Variants in CDIN1 observed in about 807,000 individuals in gnomAD.
The protein encoded by CDIN1 is CDAN1 interacting nuclease 1.
CDIN1 carries 33 observed loss-of-function variants against 45.3 expected under a neutral mutation model. The ratio of observed to expected loss-of-function variants is 0.73; its 90% confidence interval spans 0.55 to 0.97. The LOEUF (loss-of-function observed/expected upper bound fraction) is 0.97, where lower values mean the gene tolerates loss of function less well. CDIN1 is among the 50% of genes least tolerant of loss of function. The pLI, the probability that CDIN1 is intolerant of heterozygous loss-of-function variation, is 0.00. For synonymous variants in CDIN1, 118 were observed against 124.4 expected (o/e 0.95, Z 0.34); for missense variants, 303 against 339.4 (o/e 0.89, Z 0.84).
chr15:36,782,019 C>T (rs564269790), intron 10 of CDIN1, among the ~76,000 whole-genome samples: 39 of 152,152 alleles, frequency 2.6e-4, no homozygotes, highest in Non-Finnish European at 4.9e-4. Context: ...GTTTTTCCTT[C>T]AACAGGGACT....
chr15:36,612,030 G>A lies in CDIN1; in HGVS notation c.101+32069G>A, dbSNP rs550764471. ...TGGATAGAGTGCTGTTCCCATGATA[G>A]AAAATGTAGTTTTCCCCAGGTGTCT... On this transcript the variant is annotated intron_variant, in intron 1 of 10. Transcript: ENST00000566621. 2.2e-4 allele frequency among the ~76,000 whole-genome samples: 34 copies of A among 152,336 alleles called. No homozygotes were observed. In the South Asian group the frequency reaches 6.8e-3, roughly 31 times the overall value.
At chr15:36,598,710 TC>T (rs2036287419) in intron 1 of CDIN1, among the ~76,000 whole-genome samples, 1 of 152,012 alleles carries the variant, frequency 6.6e-6, no homozygotes, top group African/African-American at 2.4e-5. Flanking sequence ...CTTCTGTCCG[TC>T]CCTCCCTTTT....
chr15:36,596,066 A>C (rs2037812844), intron 1 of CDIN1, among the ~76,000 whole-genome samples: 1 of 152,210 alleles, frequency 6.6e-6, no homozygotes, highest in Non-Finnish European at 1.5e-5. Context: ...CTACACAAAA[A>C]AGAGGGAAGA....
chr15:36,724,158 G>A (rs1201361637), intron 10 of CDIN1, among the ~76,000 whole-genome samples: 1 of 152,174 alleles, frequency 6.6e-6, no homozygotes, highest in Non-Finnish European at 1.5e-5. Flanking sequence ...AGAGTGACGT[G>A]ATTAGGACCT....
chr15:36,804,674 C>CTTTTTTTTTTTTTTTTTTT, intron 10 of CDIN1: 1 of 84,890 alleles, frequency 1.2e-5, no homozygotes, highest in Non-Finnish European at 2.0e-5. Context: ...CAGAGAATCA[C>CTTTTTTTTTTTTTTTTTTT]TTTTTTTTTT....
intron 10 of CDIN1, among the ~76,000 whole-genome samples, chr15:36,728,677 A>AT (rs1013957813): frequency 2.7e-5 from 4 of 150,888 alleles, no homozygotes; most frequent in Non-Finnish European, 3.0e-5. Flanking sequence ...TGTGAAAAAA[A>AT]TTTTTTTTTC....
At chr15:36,638,287 T>C (rs2039981486) in intron 1 of CDIN1, among the ~76,000 whole-genome samples, 1 of 152,136 alleles carries the variant, frequency 6.6e-6, no homozygotes, top group Non-Finnish European at 1.5e-5. Flanking sequence ...AAAATTATAG[T>C]CCAGAATGAA....
chr15:36,753,354 C>A (rs2053525252), intron 10 of CDIN1, among the ~76,000 whole-genome samples: 1 of 152,068 alleles, frequency 6.6e-6, no homozygotes, highest in African/African-American at 2.4e-5. Context: ...GAGCCTCTCA[C>A]AGTAAACTGC....
chr15:36,690,457 A>T (rs758365140), intron 5 of CDIN1, among the ~76,000 whole-genome samples: 4 of 151,714 alleles, frequency 2.6e-5, no homozygotes, highest in Admixed American at 6.6e-5. Flanking sequence ...TTTAGTAGAG[A>T]CGGGGTTTCA....
chr15:36,790,843 G>A (rs909485416), intron 10 of CDIN1, among the ~76,000 whole-genome samples: 2 of 152,116 alleles, frequency 1.3e-5, no homozygotes, highest in African/African-American at 2.4e-5. Flanking sequence ...TCTCTTTCTT[G>A]TTTTAAAACA....
intron 5 of CDIN1, chr15:36,668,348 A>C: frequency 6.6e-6 from 1 of 152,146 alleles, no homozygotes; most frequent in East Asian, 1.9e-4. Context: ...AAGTTTTGAT[A>C]TATTTTATTT....
intron 1 of CDIN1, chr15:36,591,768 CTGTTAA>C (rs921786608): frequency 2.6e-5 from 4 of 152,192 alleles, no homozygotes; most frequent in Non-Finnish European, 5.9e-5. Context: ...TTGGTCAAAT[CTGTTAA>C]TGTTGCAGAT....
intron 1 of CDIN1, among the ~76,000 whole-genome samples, chr15:36,622,405 A>G (rs2039239109): frequency 6.6e-6 from 1 of 152,106 alleles, no homozygotes. Flanking sequence ...TGTGGAGTAG[A>G]GAGAGGCAGT....
At chr15:36,804,123 G>T (rs970435084) in intron 10 of CDIN1, among the ~76,000 whole-genome samples, 1 of 152,044 alleles carries the variant, frequency 6.6e-6, no homozygotes, top group African/African-American at 2.4e-5. Flanking sequence ...GATAATAATT[G>T]TACCAACCTC....
At chr15:36,647,992 A>G (rs1235193892) in intron 3 of CDIN1, among the ~76,000 whole-genome samples, 1 of 152,040 alleles carries the variant, frequency 6.6e-6, no homozygotes, top group Non-Finnish European at 1.5e-5. Flanking sequence ...GGTGCCCGCC[A>G]CCACGCCCGG....
At chr15:36,746,561 G>A (rs961988338) in intron 10 of CDIN1, among the ~76,000 whole-genome samples, 1 of 151,868 alleles carries the variant, frequency 6.6e-6, no homozygotes, top group African/African-American at 2.4e-5. Context: ...GTTCTGGTGT[G>A]CTATGTTCTC....
chr15:36,675,297 A>G (rs1286387852), intron 5 of CDIN1, among the ~76,000 whole-genome samples: 2 of 152,248 alleles, frequency 1.3e-5, no homozygotes, highest in African/African-American at 4.8e-5. Context: ...TTAAAAATGT[A>G]TTAAATTCCT....
intron 10 of CDIN1, among the ~76,000 whole-genome samples, chr15:36,764,233 T>G (rs1181865029): frequency 6.0e-5 from 6 of 100,022 alleles, no homozygotes; most frequent in African/African-American, 1.6e-4. Flanking sequence ...TTTTTTTTTT[T>G]GTCATTGTGA....
intron 10 of CDIN1, among the ~76,000 whole-genome samples, chr15:36,715,271 C>T (rs560028281): frequency 1.6e-4 from 25 of 152,228 alleles, no homozygotes; most frequent in South Asian, 1.5e-3. Flanking sequence ...TACCTTCTGC[C>T]ACAGAATTGA....
Sources: allele counts gnomAD v4.1 joint callset (sites outside exome capture counted in the v4.1 genomes callset), GRCh38; gene constraint gnomAD v4.1.1; transcripts MANE v1.5; gene names NCBI Gene and HGNC (gene_info 2026-07-23, HGNC 2026-07-21).